Variants in NPAT observed in about 807,000 individuals in gnomAD.
The protein encoded by NPAT is protein NPAT.
Under a neutral mutation model 130.7 loss-of-function variants are expected in NPAT, and 52 were observed. That is an observed-to-expected ratio of 0.40 (90% confidence interval 0.32 to 0.50). The LOEUF (loss-of-function observed/expected upper bound fraction) is 0.50, where lower values mean the gene tolerates loss of function less well. Ranked by LOEUF, NPAT falls within the 20% of genes least tolerant of loss-of-function variation. The pLI is 0.68. For missense variants in NPAT, 1,687 were observed against 1,662.6 expected (o/e 1.01, Z -0.26); for synonymous variants, 580 against 584.8 (o/e 0.99, Z 0.12).
At chr11:108,216,257 C>T (rs771351641) in intron 1 of NPAT, among the ~76,000 whole-genome samples, 4 of 152,028 alleles carry the variant, frequency 2.6e-5, no homozygotes, top group Admixed American at 6.5e-5. Context: ...TTCTGATAGA[C>T]GGTGGTATTA....
intron 10 of NPAT, among the ~76,000 whole-genome samples, chr11:108,183,269 G>A (rs1486107305): frequency 6.6e-6 from 1 of 151,956 alleles, no homozygotes; most frequent in African/African-American, 2.4e-5. Context: ...TTAAAGGTAT[G>A]AGCCACTGTG....
In NPAT at chr11:108,161,419, C is replaced by T. The variant is rs775736036; in HGVS notation, c.3667G>A (p.Val1223Ile). The T allele has an allele frequency of 8.7e-6, 14 of 1,614,086 alleles. No individual in the cohort carries two copies. The highest frequency in any genetic ancestry group is 1.2e-5 in the Non-Finnish European group (14 of 1,180,046). Reference sequence around the variant, plus strand: ...TTTAGATCCTTCACAGCTGTACCTACTGAAAGTACATTTTTATTGTTTGAA... The same window carrying T: ...TTTAGATCCTTCACAGCTGTACCTATTGAAAGTACATTTTTATTGTTTGAA... ...TSSNNKNVLS[V>I]GTAVKDLKQE... Residue 1223 changes from valine to isoleucine, a missense_variant, in exon 17 of 18, where the codon GTA becomes ATA. This residue lies in a region of NPAT where 1,379 missense variants were observed against 1,346.6 expected (regional missense o/e 1.02). Coordinates refer to ENST00000278612, the MANE Select transcript of NPAT (RefSeq NM_002519.3).
chr11:108,206,038 C>G (rs1301529623), intron 1 of NPAT, among the ~76,000 whole-genome samples: 2 of 152,132 alleles, frequency 1.3e-5, no homozygotes, highest in Non-Finnish European at 2.9e-5. Flanking sequence ...GAGCGAGACC[C>G]TGTCTCAAAA....
intron 1 of NPAT, among the ~76,000 whole-genome samples, chr11:108,210,783 C>T (rs55979959): frequency 1.1e-3 from 171 of 152,344 alleles, no homozygotes; most frequent in Non-Finnish European, 2.0e-3. Flanking sequence ...TTCTACAAAA[C>T]ATTGAATGAA....
intron 6 of NPAT, 53 bp downstream of exon 6, chr11:108,189,053 A>T: frequency 7.2e-7 from 1 of 1,383,092 alleles, no homozygotes; most frequent in Non-Finnish European, 1.0e-6. Context: ...ATATTATCTC[A>T]TTCATACAAT....
intron 4 of NPAT, 124 bp from the exon 5 acceptor site, chr11:108,190,624 A>G: frequency 3.7e-6 from 3 of 803,908 alleles, no homozygotes; most frequent in Non-Finnish European, 6.3e-6. Context: ...CTCTCAGACA[A>G]AAAAGACAAA....
At chr11:108,195,895 G>A (rs2078214624) in intron 2 of NPAT, among the ~76,000 whole-genome samples, 1 of 152,240 alleles carries the variant, frequency 6.6e-6, no homozygotes, top group Non-Finnish European at 1.5e-5. Context: ...CCAAAGTGCT[G>A]GGATTATAGG....
chr11:108,173,178 T>C lies in NPAT; in HGVS notation c.1806A>G (p.Gln602=), dbSNP rs1334402383. ...CAACAGACACAGGTAGTATTTCACT[T>C]TGAAGACAAGAATTATCTTGGCAAT... ...LSNCQDNSCL[Q]SEILPVSVES... Residue 602 remains glutamine, a synonymous_variant, in exon 13 of 18, where the codon CAA becomes CAG. Transcript: ENST00000278612. 7.4e-6 allele frequency: 12 copies of C among 1,613,822 alleles called. No individual in the cohort carries two copies. Among genetic ancestry groups the C allele is most frequent in the South Asian group, 1.1e-5 (1 of 91,080 alleles).
intron 15 of NPAT, among the ~76,000 whole-genome samples, chr11:108,168,027 T>C (rs1393396079): frequency 2.0e-5 from 3 of 152,166 alleles, no homozygotes; most frequent in African/African-American, 4.8e-5. Flanking sequence ...TTTAAATCCA[T>C]CATAGTGGCA....
chr11:108,199,826 G>A (rs2078257516), intron 1 of NPAT, among the ~76,000 whole-genome samples: 1 of 152,158 alleles, frequency 6.6e-6, no homozygotes, highest in Non-Finnish European at 1.5e-5. Context: ...CTCCTGGACT[G>A]GCCCCAATCC....
intron 1 of NPAT, among the ~76,000 whole-genome samples, chr11:108,211,948 T>G (rs1051793661): frequency 6.6e-6 from 1 of 151,422 alleles, no homozygotes; most frequent in African/African-American, 2.4e-5. Context: ...AGAACCTGTT[T>G]CAAAAGCAAA....
intron 10 of NPAT, among the ~76,000 whole-genome samples, chr11:108,180,426 C>T (rs2078048742): frequency 6.6e-6 from 1 of 152,062 alleles, no homozygotes; most frequent in African/African-American, 2.4e-5. Context: ...GACATTTATC[C>T]AAAAAAGGCA....
At chr11:108,170,445 A>AC (rs1400570632) in intron 13 of NPAT, among the ~76,000 whole-genome samples, 1 of 152,128 alleles carries the variant, frequency 6.6e-6, no homozygotes, top group East Asian at 1.9e-4. Flanking sequence ...GAAAATTACA[A>AC]CCCCAACTGA....
intron 10 of NPAT, among the ~76,000 whole-genome samples, chr11:108,179,495 C>A (rs902197908): frequency 6.6e-6 from 1 of 152,228 alleles, no homozygotes; most frequent in African/African-American, 2.4e-5. Context: ...CCGCTTCAGC[C>A]TCCCAAAGTG....
intron 15 of NPAT, among the ~76,000 whole-genome samples, chr11:108,167,401 T>C (rs1205573710): frequency 6.6e-6 from 1 of 152,160 alleles, no homozygotes; most frequent in Non-Finnish European, 1.5e-5. Flanking sequence ...TTTCTAGAGA[T>C]GTGGTCTCAC....
At position 108,158,718 on chromosome 11, in the gene NPAT, C is replaced by A; in HGVS notation, c.*224G>T. ...TATACAGTTTTGCAGATTGGCTTTA[C>A]TTACATTTCTGCAAACGTTTTTCCC... On this transcript the variant is annotated 3_prime_UTR_variant, in exon 18 of 18. Transcript: ENST00000278612. The A allele has an allele frequency of 2.1e-6, 1 of 467,452 alleles. No individual in the cohort carries two copies. The highest frequency in any genetic ancestry group is 3.6e-5 in the Admixed American group (1 of 27,682). The allele number at this position is 467,452 out of a possible 1,614,324, so 29.0% of individuals were successfully genotyped here. A position where few individuals can be genotyped will look rare whatever the true frequency, so the allele number is the denominator to read the frequency against.
At chr11:108,191,308 A>G (rs1565320012) in intron 4 of NPAT, among the ~76,000 whole-genome samples, 3 of 152,190 alleles carry the variant, frequency 2.0e-5, no homozygotes, top group African/African-American at 7.2e-5. Context: ...TTGTACCTCT[A>G]AAGAAGATGC....
intron 13 of NPAT, 163 bp from the exon 14 acceptor site, chr11:108,170,206 A>C (rs1360079061): frequency 3.4e-6 from 2 of 595,126 alleles, no homozygotes; most frequent in Non-Finnish European, 6.0e-6. Context: ...CAAAACAAAA[A>C]AAACGAAACT....
At chr11:108,208,566 C>T (rs1182967498) in intron 1 of NPAT, 2 of 386,048 alleles carry the variant, frequency 5.2e-6, no homozygotes, top group Admixed American at 6.2e-5. Flanking sequence ...CGAGCCTGGG[C>T]AACAGGGTGA....
Sources: gnomAD v4.1 joint callset for allele counts (sites outside exome capture counted in the v4.1 genomes callset) on GRCh38, gnomAD v4.1.1 for gene constraint, gnomAD v4.1.1 regional missense constraint, MANE v1.5 for transcripts, NCBI Gene and HGNC (gene_info 2026-07-23, HGNC 2026-07-21) for gene names.